The following KIF3B variants were observed in gnomAD, a reference collection of about 807,000 sequenced individuals.
KIF3B encodes kinesin family member 3B, also known as kinesin-like protein KIF3B.
KIF3B carries 38 observed loss-of-function variants against 74.3 expected under a neutral mutation model. That is an observed-to-expected ratio of 0.51 (90% confidence interval 0.39 to 0.67). The LOEUF (loss-of-function observed/expected upper bound fraction) is 0.67, where lower values mean the gene tolerates loss of function less well. KIF3B is among the 30% of genes least tolerant of loss of function. The pLI is 0.00. For synonymous variants in KIF3B, 326 were observed against 342.5 expected, an observed-to-expected ratio of 0.95 and a Z score of 0.53; for missense variants, 649 against 932.0, an observed-to-expected ratio of 0.70 and a Z score of 3.95.
At chr20:32,325,338 G>A (rs2047897215) in intron 5 of KIF3B, among the ~76,000 whole-genome samples, 1 of 151,826 alleles carries the variant, frequency 6.6e-6, no homozygotes, top group South Asian at 2.1e-4. Context: ...ACAGGTGCAG[G>A]TCAACCACGC....
chr20:32,303,513 C>T (rs35459003), intron 1 of KIF3B, among the ~76,000 whole-genome samples: 30,615 of 150,112 alleles, frequency 0.2, 3,401 homozygotes, highest in African/African-American at 0.3. Flanking sequence ...TGCAGTGGGC[C>T]GAGATCATGC....
chr20:32,329,166 C>G (rs1220231476), intron 7 of KIF3B, among the ~76,000 whole-genome samples: 2 of 152,114 alleles, frequency 1.3e-5, no homozygotes, highest in Admixed American at 6.5e-5. Context: ...CCTCGGCCTC[C>G]CAGAGTGCTG....
intron 5 of KIF3B, among the ~76,000 whole-genome samples, chr20:32,320,116 A>T (rs997409404): frequency 2.0e-5 from 3 of 151,890 alleles, no homozygotes; most frequent in Non-Finnish European, 4.4e-5. Context: ...GCTGGTCTGG[A>T]ACTCCTGACC....
intron 1 of KIF3B, among the ~76,000 whole-genome samples, chr20:32,300,074 CTGTTTTGTTTTGTTT>C (rs59811144): frequency 0.34 from 50,797 of 149,138 alleles, 9,898 homozygotes; most frequent in East Asian, 0.74. Flanking sequence ...CCACACTGGC[CTGTTTTGTTTTGTTT>C]TGTTTTGTTT....
In KIF3B at chr20:32,316,819, G is replaced by T; in HGVS notation, c.1693G>T (p.Glu565Ter). ...IHDLQEEHIK[E>*]RQELEQTQNE... is the part of the protein sequence containing the mutation. ...TGACCTCCAAGAAGAACACATCAAG[G>T]AGCGCCAAGAGCTAGAGCAGACTCA... The change falls in exon 5 of 9, where the codon GAG becomes TAG. Residue 565 changes from glutamate (E) to a stop codon, truncating the protein, a stop_gained. Transcript: ENST00000375712. LOFTEE classifies it high-confidence loss of function. 6.2e-7 allele frequency: 1 copy of T among 1,614,110 alleles called. No homozygotes were observed. Among genetic ancestry groups the T allele is most frequent in the Non-Finnish European group, 8.5e-7 (1 of 1,180,020 alleles).
At chr20:32,308,091 C>A (rs1009489509) in intron 1 of KIF3B, among the ~76,000 whole-genome samples, 1 of 151,886 alleles carries the variant, frequency 6.6e-6, no homozygotes, top group Admixed American at 6.6e-5. Context: ...AAAAAATTAG[C>A]CGGGCATGGT....
rs1335220681 is a variant in KIF3B, at chr20:32,334,711, C to T, written c.*3392C>T. On this transcript the variant is annotated 3_prime_UTR_variant, in exon 9 of 9. Transcript: ENST00000375712. Reference sequence around the variant, plus strand: ...ACGCAAGGCTTTGTTTTGTACTGTTCAGAAATCTGTCACCTTTCTGCCTGC... The same window carrying T: ...ACGCAAGGCTTTGTTTTGTACTGTTTAGAAATCTGTCACCTTTCTGCCTGC... 2 of 152,178 alleles carry T rather than the reference C, an allele frequency of 1.3e-5. No individual in the cohort carries two copies. Among genetic ancestry groups the T allele is most frequent in the African/African-American group, 4.8e-5 (2 of 41,454 alleles). The allele number at this position is 152,178 out of a possible 1,614,324, so 9.4% of individuals were successfully genotyped here. A position where few individuals can be genotyped will look rare whatever the true frequency, so the allele number is the denominator to read the frequency against.
At chr20:32,291,315 AT>A (rs200535655) in intron 1 of KIF3B, among the ~76,000 whole-genome samples, 3 of 151,210 alleles carry the variant, frequency 2.0e-5, no homozygotes, top group Admixed American at 2.0e-4. Context: ...TTAGAGGGTG[AT>A]TTTTTTTTCA....
intron 1 of KIF3B, among the ~76,000 whole-genome samples, chr20:32,289,308 C>T (rs1247680292): frequency 2.0e-5 from 3 of 151,722 alleles, no homozygotes; most frequent in Admixed American, 6.6e-5. Flanking sequence ...AGTTCTCTGC[C>T]TCAGCCTCCT....
intron 5 of KIF3B, among the ~76,000 whole-genome samples, chr20:32,318,288 C>T (rs922092764): frequency 1.7e-4 from 24 of 139,848 alleles, no homozygotes; most frequent in African/African-American, 6.2e-4. Flanking sequence ...GGTGACACAG[C>T]GAGATTCTTG....
At position 32,324,113 on chromosome 20, in the gene KIF3B, G is replaced by GAA. The variant is rs35786299; in HGVS notation, c.1749-2647_1749-2646dup. On this transcript the variant is annotated intron_variant, in intron 5 of 8. Transcript: ENST00000375712. ...GACCGAGTGAGACACCAACTCAAAAGAAAAAAAAAAAAGAAGAAATATACT... is the reference window on the plus strand; with the variant it reads ...GACCGAGTGAGACACCAACTCAAAAGAAAAAAAAAAAAAAGAAGAAATATACT... Among the ~76,000 whole-genome samples the GAA allele has an allele frequency of 3.9e-3, 557 of 143,456 alleles. 3 individuals are homozygous for GAA. The highest frequency in any genetic ancestry group is 4.1e-3 in the Non-Finnish European group (271 of 65,520). The allele number at this position is 143,456 out of a possible 152,430, so 94.1% of individuals were successfully genotyped here. A position where few individuals can be genotyped will look rare whatever the true frequency, so the allele number is the denominator to read the frequency against.
intron 1 of KIF3B, among the ~76,000 whole-genome samples, chr20:32,308,323 A>C (rs2047782245): frequency 6.6e-6 from 1 of 152,212 alleles, no homozygotes; most frequent in African/African-American, 2.4e-5. Flanking sequence ...TCCTGGGCTC[A>C]AGCAATCCTT....
At chr20:32,301,311 C>T (rs574041110) in intron 1 of KIF3B, among the ~76,000 whole-genome samples, 40 of 150,974 alleles carry the variant, frequency 2.6e-4, no homozygotes, top group African/African-American at 6.8e-4. Context: ...GTGATACGCC[C>T]GCCTCGGCCT....
At chr20:32,322,620 T>G (rs1294748709) in intron 5 of KIF3B, among the ~76,000 whole-genome samples, 6 of 111,160 alleles carry the variant, frequency 5.4e-5, no homozygotes, top group Non-Finnish European at 1.0e-4. Flanking sequence ...AAAAAAAATT[T>G]TATATATTTA....
chr20:32,295,737 CT>C (rs2047713571), intron 1 of KIF3B, among the ~76,000 whole-genome samples: 1 of 151,986 alleles, frequency 6.6e-6, no homozygotes, highest in Non-Finnish European at 1.5e-5. Flanking sequence ...AATTCTAGTG[CT>C]GTGGACCTAA....
intron 8 of KIF3B, 104 bp downstream of exon 8, chr20:32,330,423 G>A (rs1479981343): frequency 1.0e-6 from 1 of 997,386 alleles, no homozygotes; most frequent in Non-Finnish European, 1.5e-6. Flanking sequence ...GAACACACTA[G>A]AAAATATTGC....
chr20:32,287,853 TAGG>T (rs1217850264), intron 1 of KIF3B, among the ~76,000 whole-genome samples: 1 of 150,482 alleles, frequency 6.6e-6, no homozygotes, highest in African/African-American at 2.5e-5. Flanking sequence ...TTTCCCTTCT[TAGG>T]ATCCTCTAAA....
chr20:32,280,105 A>G (rs1006607800), intron 1 of KIF3B, among the ~76,000 whole-genome samples: 1 of 152,204 alleles, frequency 6.6e-6, no homozygotes, highest in Admixed American at 6.5e-5. Flanking sequence ...GGGGATAGTA[A>G]TAGGCCTTAT....
intron 5 of KIF3B, 115 bp from the exon 6 acceptor site, chr20:32,326,656 A>C (rs1020154792): frequency 9.5e-6 from 6 of 631,268 alleles, no homozygotes; most frequent in African/African-American, 1.8e-5. Context: ...TTGCTGAGTA[A>C]ATGTTTGCTA....
Sources: gnomAD v4.1 joint callset for allele counts (sites outside exome capture counted in the v4.1 genomes callset) on GRCh38, gnomAD v4.1.1 for gene constraint, MANE v1.5 for transcripts, NCBI Gene and HGNC (gene_info 2026-07-23, HGNC 2026-07-21) for gene names.